The following UMODL1 variants were observed in gnomAD, a reference collection of about 807,000 sequenced individuals.
The protein encoded by UMODL1 is uromodulin like 1.
In UMODL1, 128 loss-of-function variants were observed where a neutral mutation model predicts 136.3. The observed-to-expected ratio is 0.94, with a 90% confidence interval of 0.81 to 1.09. UMODL1 has a LOEUF of 1.09. Among genes scored for constraint, UMODL1 ranks in the 50% least tolerant of loss-of-function variants. The pLI is 0.00. For missense variants in UMODL1, 1,766 were observed against 1,725.6 expected (o/e 1.02, Z -0.41); for synonymous variants, 721 against 720.0 (o/e 1.00, Z -0.02).
At position 42,127,204 on chromosome 21, in the gene UMODL1, C is replaced by T. The variant is rs200127311; in HGVS notation, c.3492C>T (p.Asn1164=). ...LTECWATPSS[N]ARDPITFSFI... ...AGTGCTGGGCAACCCCGTCTAGCAA[C>T]GCCCGGGACCCCATCACCTTCAGCT... Residue 1164 remains asparagine (N), a synonymous_variant, in exon 19 of 23, where the codon AAC becomes AAT. Coordinates refer to ENST00000408910, the MANE Select transcript of UMODL1 (RefSeq NM_001004416.3). 9.9e-6 allele frequency: 16 copies of T among 1,614,070 alleles called. No homozygotes were observed. The highest frequency in any genetic ancestry group is 3.3e-5 in the Admixed American group (2 of 60,024).
chr21:42,094,928 AC>A (rs1180226971), intron 6 of UMODL1, among the ~76,000 whole-genome samples: 3 of 151,936 alleles, frequency 2.0e-5, no homozygotes, highest in Non-Finnish European at 4.4e-5. Context: ...AGTTCTGAGG[AC>A]CAGAAATTTG....
upstream of UMODL1, among the ~76,000 whole-genome samples, chr21:42,069,071 A>G (rs373066415): frequency 6.6e-5 from 10 of 152,246 alleles, 1 homozygote; most frequent in East Asian, 1.9e-4. Flanking sequence ...GTGCTGGAGA[A>G]TTCTCTCCCT....
At chr21:42,068,537 A>G (rs2066201918), upstream of UMODL1, among the ~76,000 whole-genome samples, 1 of 152,140 alleles carries the variant, frequency 6.6e-6, no homozygotes, top group African/African-American at 2.4e-5. This position sits in a 1 kb window ranked among gnomAD's most constrained non-coding sequence, Gnocchi z 5.5. Flanking sequence ...CTCCATCACA[A>G]CCAGCTTTCC....
chr21:42,135,633 C>T (rs1326839021), intron 21 of UMODL1, among the ~76,000 whole-genome samples: 1 of 152,218 alleles, frequency 6.6e-6, no homozygotes, highest in Non-Finnish European at 1.5e-5. Flanking sequence ...CACTACAGAG[C>T]CCCTGGGGGC....
In UMODL1 at chr21:42,142,673, G is replaced by A. The variant is rs371601257; in HGVS notation, c.*599G>A. The A allele has an allele frequency of 2.0e-5, 3 of 152,172 alleles. No individual in the cohort carries two copies. The highest frequency in any genetic ancestry group is 2.9e-5 in the Non-Finnish European group (2 of 68,030). 9.4% of individuals were successfully genotyped at this position (152,172 alleles called of 1,614,324 possible). ...GTATTGCTTTTATTTACACGACAGC[G>A]ACTCAAAAGGCACTCGATTAATGTG... On this transcript the variant is annotated 3_prime_UTR_variant, in exon 23 of 23. Coordinates refer to ENST00000408910, the MANE Select transcript of UMODL1 (RefSeq NM_001004416.3).
rs2066422380 is a variant in UMODL1, at chr21:42,085,981, A to G, written c.603+569A>G. 6.6e-6 allele frequency among the ~76,000 whole-genome samples: 1 copy of G among 151,818 alleles called. No individual in the cohort carries two copies. Among genetic ancestry groups the G allele is most frequent in the Non-Finnish European group, 1.5e-5 (1 of 67,958 alleles). ...CTGTCCCCTGGGGATAAAAACAAAC[A>G]CCCTGGCTGACCCTTGCTGATGACA... On this transcript the variant is annotated intron_variant, in intron 4 of 22. Coordinates refer to ENST00000408910, the MANE Select transcript of UMODL1 (RefSeq NM_001004416.3). The surrounding 1 kb of genome is among the most constrained non-coding windows in gnomAD (Gnocchi z 4.5).
At chr21:42,109,438 A>AG (rs35742122) in intron 9 of UMODL1, 124 bp from the exon 10 acceptor site, 701,356 of 1,340,380 alleles carry the variant, frequency 0.52, 186,223 homozygotes, top group Admixed American at 0.64. Flanking sequence ...ATGCCCCAAA[A>AG]TGCCCCTGCT....
At chr21:42,125,192 A>G (rs150453730) in intron 17 of UMODL1, among the ~76,000 whole-genome samples, 2 of 152,320 alleles carry the variant, frequency 1.3e-5, no homozygotes, top group African/African-American at 4.8e-5. Flanking sequence ...CGTCCTGAGC[A>G]GGAGGCTGGG....
chr21:42,137,543 C>G lies in UMODL1; in HGVS notation c.3880C>G (p.Arg1294Gly). 1 of 1,614,208 alleles carries G rather than the reference C, an allele frequency of 6.2e-7. No individual in the cohort carries two copies. The highest frequency in any genetic ancestry group is 8.5e-7 in the Non-Finnish European group (1 of 1,180,046). ...VAGTATLLIV[R>G]YQRMNGRYNF... is the part of the protein sequence containing the mutation. ...GGGAACAGCCACCCTTCTGATCGTG[C>G]GCTACCAGAGAATGAATGGGAGATA... The change falls in exon 22 of 23, where the codon CGC becomes GGC. Residue 1294 changes from arginine to glycine, a missense_variant. Coordinates refer to ENST00000408910, the MANE Select transcript of UMODL1 (RefSeq NM_001004416.3).
At chr21:42,073,807 C>T (rs1469273880) in intron 1 of UMODL1, among the ~76,000 whole-genome samples, 1 of 146,802 alleles carries the variant, frequency 6.8e-6, no homozygotes, top group East Asian at 2.4e-4. Flanking sequence ...TCTCTGTGTT[C>T]CTCCCCAGAA....
rs2066837019 is a variant in UMODL1, at chr21:42,111,862, C to T, written c.2104+152C>T. The T allele has an allele frequency of 4.9e-6, 4 of 820,338 alleles. No individual in the cohort carries two copies. In the Admixed American group the frequency reaches 9.0e-5, roughly 18 times the overall value. 50.8% of individuals were successfully genotyped at this position (820,338 alleles called of 1,614,324 possible). A position where few individuals can be genotyped will look rare whatever the true frequency, so the allele number is the denominator to read the frequency against. On this transcript the variant is annotated intron_variant, in intron 12 of 22. Transcript: ENST00000408910. The stretch of plus-strand genomic sequence containing the variant: ...TCTTGTGCGTGTGGAAACGGAGGCA[C>T]CCAGCAGCTGGTTTCTAGTTGAGTT...
At chr21:42,104,191 A>G (rs2066681461) in intron 9 of UMODL1, 104 bp downstream of exon 9, 1 of 1,231,766 alleles carries the variant, frequency 8.1e-7, no homozygotes, top group African/African-American at 1.5e-5. Context: ...AGGGTAAAGA[A>G]ATGCAAATCC....
At chr21:42,068,639 T>C (rs1369746791), upstream of UMODL1, among the ~76,000 whole-genome samples, 1 of 152,202 alleles carries the variant, frequency 6.6e-6, no homozygotes, top group Non-Finnish European at 1.5e-5. This position sits in a 1 kb window ranked among gnomAD's most constrained non-coding sequence, Gnocchi z 5.5. Flanking sequence ...GCCGTTACCA[T>C]GCATGCCCAT....
chr21:42,122,612 C>T lies in UMODL1; in HGVS notation c.2828-219C>T, dbSNP rs571331245. On this transcript the variant is annotated intron_variant, in intron 16 of 22. Transcript: ENST00000408910. This position sits in a 1 kb window ranked among gnomAD's most constrained non-coding sequence, Gnocchi z 4.3. ...GTGTGTGCATGTGTGTGCATCTCTGCGTGCATGTGTGTGCATGCACGTGTG... is the reference window on the plus strand; with the variant it reads ...GTGTGTGCATGTGTGTGCATCTCTGTGTGCATGTGTGTGCATGCACGTGTG... Among the ~76,000 whole-genome samples the T allele has an allele frequency of 6.2e-5, 9 of 145,550 alleles. No individual in the cohort carries two copies. The highest frequency in any genetic ancestry group is 1.3e-4 in the Admixed American group (2 of 14,898).
At chr21:42,066,977 CTTTT>C (rs34685798), upstream of UMODL1, among the ~76,000 whole-genome samples, 2 of 132,822 alleles carry the variant, frequency 1.5e-5, no homozygotes, top group African/African-American at 2.8e-5. Context: ...TTTTTTCTTT[CTTTT>C]TTTTTTTTTT....
Position 42,129,712 on chromosome 21 carries a change from G to T in UMODL1, c.3691-1G>T. On this transcript the variant is annotated splice_acceptor_variant, in intron 20 of 22. Transcript: ENST00000408910. LOFTEE classifies it high-confidence loss of function. ...TTCTCTTCTTGGAAAAAAAAAAACAGAATTGCAATAACTTTCGGTTGCTGC... is the reference window on the plus strand; with the variant it reads ...TTCTCTTCTTGGAAAAAAAAAAACATAATTGCAATAACTTTCGGTTGCTGC... The T allele has an allele frequency of 6.4e-7, 1 of 1,567,200 alleles. No individual in the cohort carries two copies. The highest frequency in any genetic ancestry group is 1.2e-5 in the South Asian group (1 of 81,786).
chr21:42,079,665 G>T (rs541882898), intron 2 of UMODL1, among the ~76,000 whole-genome samples: 1 of 152,334 alleles, frequency 6.6e-6, no homozygotes, highest in South Asian at 2.1e-4. Context: ...AGAGGCCAGG[G>T]CAGGAGACCC....
In UMODL1 at chr21:42,126,437, C is replaced by T. The variant is rs1325701870; in HGVS notation, c.3240C>T (p.Tyr1080=). ...ACCTGAAGATCCTGAGCCCCATCTA[C>T]TGCGCCTTCCAGAATGACCTGCTGA... ...IHHLKILSPI[Y]CAFQNDLLTS... is the part of the protein sequence containing the mutation. Residue 1080 remains tyrosine (Y), a synonymous_variant, in exon 18 of 23, where the codon TAC becomes TAT. Transcript: ENST00000408910. The T allele has an allele frequency of 6.2e-7, 1 of 1,614,254 alleles. No homozygotes were observed. Among genetic ancestry groups the T allele is most frequent in the South Asian group, 1.1e-5 (1 of 91,090 alleles).
upstream of UMODL1, among the ~76,000 whole-genome samples, chr21:42,067,517 T>C (rs2066192534): frequency 1.3e-5 from 2 of 152,196 alleles, no homozygotes; most frequent in African/African-American, 2.4e-5. Flanking sequence ...CAGGGGACCC[T>C]GTCCAGCCGT....
Sources: gnomAD v4.1 joint callset for allele counts (sites outside exome capture counted in the v4.1 genomes callset) on GRCh38, gnomAD v4.1.1 for gene constraint, Gnocchi (gnomAD v3.1) non-coding constraint, MANE v1.5 for transcripts, NCBI Gene and HGNC (gene_info 2026-07-23, HGNC 2026-07-21) for gene names.